Variants in ADCY7 observed in about 807,000 individuals in gnomAD.
ADCY7 encodes the protein adenylate cyclase 7.
ADCY7 carries 72 observed loss-of-function variants against 120.6 expected under a neutral mutation model. That is an observed-to-expected ratio of 0.60 (90% CI 0.49 to 0.73). The LOEUF (loss-of-function observed/expected upper bound fraction) is 0.73, where lower values mean the gene tolerates loss of function less well. Among genes scored for constraint, ADCY7 ranks in the 30% least tolerant of loss-of-function variants. The pLI is 0.00. For missense variants in ADCY7, 1,227 were observed against 1,486.0 expected, an observed-to-expected ratio of 0.83 and a Z score of 2.87; for synonymous variants, 661 against 628.0, an observed-to-expected ratio of 1.05 and a Z score of -0.78.
Position 50,297,714 on chromosome 16 carries a change from G to A in ADCY7, c.949-1190G>A, listed in dbSNP as rs917728744. Reference sequence around the variant, plus strand: ...TGGCTGATGGGCACAGAGTAGGGACGAGGACAGGATAGGCTCGAGTCCTGG... The same window carrying A: ...TGGCTGATGGGCACAGAGTAGGGACAAGGACAGGATAGGCTCGAGTCCTGG... On this transcript the variant is annotated intron_variant, in intron 7 of 25. Transcript: ENST00000673801. This position sits in a 1 kb window ranked among gnomAD's most constrained non-coding sequence, Gnocchi z 4.4. Among the ~76,000 whole-genome samples the A allele has an allele frequency of 6.6e-5, 10 of 152,178 alleles. No homozygotes were observed. Among genetic ancestry groups the A allele is most frequent in the Admixed American group, 5.9e-4 (9 of 15,286 alleles).
chr16:50,270,695 C>A (rs1047279012), intron 1 of ADCY7, among the ~76,000 whole-genome samples: 6 of 152,150 alleles, frequency 3.9e-5, no homozygotes. Flanking sequence ...GAGCAGCCTC[C>A]CTGTCACCTA....
At position 50,287,938 on chromosome 16, in the gene ADCY7, C is replaced by T. The variant is rs1165279998; in HGVS notation, c.-242C>T. On this transcript the variant is annotated 5_prime_UTR_variant, in exon 2 of 26. Coordinates refer to ENST00000673801, the MANE Select transcript of ADCY7 (RefSeq NM_001114.5). ...GCTGAGGAACTGCGTGTGGAGTCAG[C>T]CCAGTCTGGATGCACAGGAGGATGC... The T allele has an allele frequency of 4.4e-6, 2 of 459,212 alleles. No individual in the cohort carries two copies. Among genetic ancestry groups the T allele is most frequent in the African/African-American group, 2.0e-5 (1 of 49,238 alleles). 28.4% of individuals were successfully genotyped at this position (459,212 alleles called of 1,614,324 possible). A position where few individuals can be genotyped will look rare whatever the true frequency, so the allele number is the denominator to read the frequency against.
At chr16:50,310,347 C>T in intron 18 of ADCY7, 4 of 956,514 alleles carry the variant, frequency 4.2e-6, no homozygotes, top group Non-Finnish European at 6.4e-6. Context: ...CAATCTTGAG[C>T]AGGGCAGAGG....
intron 7 of ADCY7, among the ~76,000 whole-genome samples, chr16:50,295,680 A>G (rs1376182873): frequency 6.6e-6 from 1 of 152,106 alleles, no homozygotes; most frequent in East Asian, 1.9e-4. Context: ...ATGCAAGGAC[A>G]TGAGGGCTGA....
At chr16:50,265,173 G>A (rs1161349863), upstream of ADCY7, among the ~76,000 whole-genome samples, 2 of 152,162 alleles carry the variant, frequency 1.3e-5, no homozygotes, top group Non-Finnish European at 2.9e-5. Context: ...GGAGTCTTTT[G>A]TCAGTCATAT....
In ADCY7 at chr16:50,287,904, C is replaced by G. The variant is rs1818265129; in HGVS notation, c.-268-8C>G. 2 of 382,738 alleles carry G rather than the reference C, an allele frequency of 5.2e-6. No homozygotes were observed. The highest frequency in any genetic ancestry group is 1.6e-4 in the South Asian group (2 of 12,762). 23.7% of individuals were successfully genotyped at this position (382,738 alleles called of 1,614,324 possible). A position where few individuals can be genotyped will look rare whatever the true frequency, so the allele number is the denominator to read the frequency against. The stretch of plus-strand genomic sequence containing the variant: ...TAGGTCAAGTTCCTGTCTGCTTCGT[C>G]TCCGCAGAGCTGAGGAACTGCGTGT... On this transcript the variant is annotated splice_polypyrimidine_tract_variant and splice_region_variant and intron_variant, in intron 1 of 25. Transcript: ENST00000673801.
intron 1 of ADCY7, among the ~76,000 whole-genome samples, chr16:50,256,488 A>G (rs2032920901): frequency 6.6e-6 from 1 of 152,152 alleles, no homozygotes; most frequent in Non-Finnish European, 1.5e-5. Context: ...GGATTGCTTG[A>G]GCCTGGGAGT....
At chr16:50,311,817 AGCT>A in intron 20 of ADCY7, 31 bp downstream of exon 20, 4 of 1,172,330 alleles carry the variant, frequency 3.4e-6, no homozygotes, top group East Asian at 7.5e-5. Context: ...CCCCCCCCCA[AGCT>A]CTGCCCACTT....
chr16:50,255,401 G>GAAAA (rs2032884809), intron 1 of ADCY7, among the ~76,000 whole-genome samples: 1 of 5,820 alleles, frequency 1.7e-4, no homozygotes, highest in South Asian at 9.3e-3. Flanking sequence ...CTCTGTTTCT[G>GAAAA]GAAAAAAAAA....
intron 1 of ADCY7, among the ~76,000 whole-genome samples, chr16:50,256,143 C>T (rs749697248): frequency 1.1e-4 from 17 of 152,002 alleles, no homozygotes; most frequent in South Asian, 4.2e-4. Flanking sequence ...AAGAGACAAC[C>T]GATAGACTGG....
intron 1 of ADCY7, among the ~76,000 whole-genome samples, chr16:50,277,009 A>G (rs562914389): frequency 3.3e-5 from 5 of 152,148 alleles, no homozygotes; most frequent in Non-Finnish European, 7.3e-5. Context: ...GAAAATGAGA[A>G]GTGGGATTTA....
intron 1 of ADCY7, among the ~76,000 whole-genome samples, chr16:50,254,680 T>C (rs766076633): frequency 7.2e-5 from 11 of 152,184 alleles, no homozygotes; most frequent in Non-Finnish European, 1.5e-4. Flanking sequence ...ATTAATATCG[T>C]GCAAATGTCC....
At chr16:50,311,305 C>T (rs1183925736) in intron 19 of ADCY7, among the ~76,000 whole-genome samples, 1 of 152,086 alleles carries the variant, frequency 6.6e-6, no homozygotes, top group African/African-American at 2.4e-5. Context: ...CCCCCCTAAA[C>T]AAAAAAGCTG....
At chr16:50,269,408 G>A (rs1456638922) in intron 1 of ADCY7, among the ~76,000 whole-genome samples, 1 of 152,198 alleles carries the variant, frequency 6.6e-6, no homozygotes, top group Admixed American at 6.5e-5. Flanking sequence ...GTCCTTACTG[G>A]GAAGATGAGG....
At chr16:50,308,025 G>T (rs1203114502) in intron 15 of ADCY7, among the ~76,000 whole-genome samples, 1 of 145,184 alleles carries the variant, frequency 6.9e-6, no homozygotes, top group Non-Finnish European at 1.5e-5. Context: ...AACGAAGAAA[G>T]ATGTAATAGG....
At chr16:50,307,570 C>T (rs1471915911) in intron 15 of ADCY7, among the ~76,000 whole-genome samples, 1 of 152,054 alleles carries the variant, frequency 6.6e-6, no homozygotes, top group Non-Finnish European at 1.5e-5. Context: ...CTCTAGGGCC[C>T]TGCTGGTGGG....
rs534409155 is a variant in ADCY7, at chr16:50,274,717, G to A, written c.-269+8037G>A. 5.1e-4 allele frequency among the ~76,000 whole-genome samples: 77 copies of A among 152,230 alleles called. 1 individual carries two copies. The highest frequency in any genetic ancestry group is 3.4e-3 in the Middle Eastern group (1 of 294). On this transcript the variant is annotated intron_variant, in intron 1 of 25. Coordinates refer to ENST00000673801, the MANE Select transcript of ADCY7 (RefSeq NM_001114.5). ...ACAGGAGGCCAGGCTAGGCAGTGAC[G>A]CCTCACTGAGCTCCATGGGTGGCAC...
In ADCY7 at chr16:50,315,822, C is replaced by T. The variant is rs2036774009; in HGVS notation, c.*317C>T. 1 of 284,674 alleles carries T rather than the reference C, an allele frequency of 3.5e-6. No homozygotes were observed. The highest frequency in any genetic ancestry group is 4.9e-5 in the South Asian group (1 of 20,334). The allele number at this position is 284,674 out of a possible 1,614,324, so 17.6% of individuals were successfully genotyped here. A position where few individuals can be genotyped will look rare whatever the true frequency, so the allele number is the denominator to read the frequency against. On this transcript the variant is annotated 3_prime_UTR_variant, in exon 26 of 26. Transcript: ENST00000673801. Reference sequence around the variant, plus strand: ...GTTCCCTGAGGTGCCAGGCAGGCAACTTTAGCACATGATGAAAACAGACTT... The same window carrying T: ...GTTCCCTGAGGTGCCAGGCAGGCAATTTTAGCACATGATGAAAACAGACTT...
At chr16:50,307,609 A>G (rs2036154872) in intron 15 of ADCY7, among the ~76,000 whole-genome samples, 1 of 152,028 alleles carries the variant, frequency 6.6e-6, no homozygotes, top group Non-Finnish European at 1.5e-5. Context: ...AGTCAGAGGG[A>G]AGGGGGATCT....
Sources: gnomAD v4.1 joint callset for allele counts (sites outside exome capture counted in the v4.1 genomes callset) on GRCh38, gnomAD v4.1.1 for gene constraint, Gnocchi (gnomAD v3.1) non-coding constraint, MANE v1.5 for transcripts, NCBI Gene and HGNC (gene_info 2026-07-23, HGNC 2026-07-21) for gene names.